RANBP2: variants seen among roughly 807,000 people sequenced by gnomAD.
RANBP2 encodes RAN binding protein 2.
A neutral mutation model predicts 303.6 loss-of-function variants in RANBP2; 57 were observed. The observed-to-expected ratio is 0.19, with a 90% CI of 0.15 to 0.23. The LOEUF is 0.23. RANBP2 is among the 10% of genes least tolerant of loss of function. The pLI, the probability that RANBP2 is intolerant of heterozygous loss-of-function variation, is 1.00. For synonymous variants in RANBP2, 1,167 were observed against 1,301.5 expected (o/e 0.90, Z 2.23); for missense variants, 3,138 against 3,780.8 (o/e 0.83, Z 4.46).
At chr2:109,690,106 C>T in the RANBP2 span, among the ~76,000 whole-genome samples, 1 of 152,158 alleles carries the variant, frequency 6.6e-6, no homozygotes, top group Non-Finnish European at 1.5e-5. Flanking sequence ...GTATCTGAGA[C>T]AGGTCTCAGC....
downstream of RANBP2, chr2:108,786,743 T>C (rs1281822238): frequency 7.5e-7 from 1 of 1,332,346 alleles, no homozygotes; most frequent in Non-Finnish European, 1.1e-6. Flanking sequence ...GTCTGGCACG[T>C]CGTGACGCAC....
the RANBP2 span, among the ~76,000 whole-genome samples, chr2:109,102,728 C>G: frequency 2.0e-5 from 3 of 151,996 alleles, no homozygotes; most frequent in Non-Finnish European, 4.4e-5. Flanking sequence ...AAGGAGAGCC[C>G]CAGCCCATCA....
intron 9 of RANBP2, among the ~76,000 whole-genome samples, chr2:108,749,914 C>G (rs912328418): frequency 6.6e-6 from 1 of 152,146 alleles, no homozygotes; most frequent in African/African-American, 2.4e-5. Flanking sequence ...CTTTGGGAGG[C>G]CGAGGCAGGC....
chr2:109,281,728 T>C, the RANBP2 span, among the ~76,000 whole-genome samples: 1 of 152,122 alleles, frequency 6.6e-6, no homozygotes, highest in African/African-American at 2.4e-5. Flanking sequence ...CTGATTTCCA[T>C]GATGGTGGAG....
At chr2:109,464,562 C>G in the RANBP2 span, among the ~76,000 whole-genome samples, 1 of 152,228 alleles carries the variant, frequency 6.6e-6, no homozygotes, top group African/African-American at 2.4e-5. Context: ...TGATCCACTT[C>G]TGCCAATTCT....
the RANBP2 span, among the ~76,000 whole-genome samples, chr2:109,674,741 AT>A: frequency 6.6e-6 from 1 of 152,210 alleles, no homozygotes; most frequent in Non-Finnish European, 1.5e-5. Flanking sequence ...GAATAAGGAA[AT>A]TGACATTCTT....
At chr2:108,933,771 C>T in the RANBP2 span, among the ~76,000 whole-genome samples, 221 of 146,358 alleles carry the variant, frequency 1.5e-3, 1 homozygote, top group African/African-American at 5.3e-3. Flanking sequence ...GACGGGAGAT[C>T]GGGGTGGCGG....
the RANBP2 span, among the ~76,000 whole-genome samples, chr2:109,028,417 A>G: frequency 0.16 from 24,630 of 152,212 alleles, 2,137 homozygotes; most frequent in African/African-American, 0.2. Flanking sequence ...TTACACCAAG[A>G]AGGTAGGCCC....
the RANBP2 span, among the ~76,000 whole-genome samples, chr2:109,719,153 A>G: frequency 1.4e-5 from 2 of 147,010 alleles, no homozygotes; most frequent in South Asian, 2.2e-4. Context: ...CTGGAGTGCA[A>G]TGGCATGATC....
chr2:109,621,052 C>T, the RANBP2 span, among the ~76,000 whole-genome samples: 1 of 152,194 alleles, frequency 6.6e-6, no homozygotes, highest in Non-Finnish European at 1.5e-5. Flanking sequence ...AAACCATATT[C>T]ATTCTGACCA....
chr2:109,448,380 G>A, the RANBP2 span, among the ~76,000 whole-genome samples: 19 of 152,188 alleles, frequency 1.2e-4, no homozygotes, highest in Non-Finnish European at 2.8e-4. Flanking sequence ...GGTCTGTTAG[G>A]AACTGGGCTG....
chr2:108,746,438 GTCTC>G (rs1696528138), intron 7 of RANBP2, among the ~76,000 whole-genome samples: 1 of 146,526 alleles, frequency 6.8e-6, no homozygotes, highest in Non-Finnish European at 1.5e-5. Context: ...GGCCAGGCTG[GTCTC>G]GAACTCCTGA....
At chr2:109,370,233 CTCTCTCTT>C in the RANBP2 span, among the ~76,000 whole-genome samples, 3 of 114,950 alleles carry the variant, frequency 2.6e-5, no homozygotes, top group South Asian at 9.0e-4. Flanking sequence ...CTCTGTCTCT[CTCTCTCTT>C]TTTCTTTTTT....
At chr2:109,662,865 C>T in the RANBP2 span, among the ~76,000 whole-genome samples, 1 of 152,158 alleles carries the variant, frequency 6.6e-6, no homozygotes, top group Non-Finnish European at 1.5e-5. Flanking sequence ...TGTGCGATTG[C>T]CATGGCTTCC....
At chr2:109,679,191 T>C in the RANBP2 span, among the ~76,000 whole-genome samples, 1 of 152,232 alleles carries the variant, frequency 6.6e-6, no homozygotes, top group South Asian at 2.1e-4. Flanking sequence ...AATGTGGCAC[T>C]AAATAGACCA....
At chr2:109,303,612 C>T in the RANBP2 span, among the ~76,000 whole-genome samples, 8 of 152,242 alleles carry the variant, frequency 5.3e-5, no homozygotes, top group African/African-American at 1.7e-4. Flanking sequence ...CACGGGCTGG[C>T]GAGACAAAGT....
chr2:109,699,864 G>C, the RANBP2 span, among the ~76,000 whole-genome samples: 4 of 152,164 alleles, frequency 2.6e-5, no homozygotes, highest in Non-Finnish European at 5.9e-5. Flanking sequence ...CTGTGCTGCA[G>C]CCCAGACTTC....
the RANBP2 span, among the ~76,000 whole-genome samples, chr2:109,215,168 G>A: frequency 1.3e-5 from 2 of 152,174 alleles, no homozygotes; most frequent in Non-Finnish European, 2.9e-5. Context: ...CTCTCTCTGA[G>A]CATTGCTCAA....
chr2:109,181,843 T>A, the RANBP2 span, among the ~76,000 whole-genome samples: 3 of 152,056 alleles, frequency 2.0e-5, no homozygotes, highest in Non-Finnish European at 4.4e-5. Context: ...GACCTACACC[T>A]TTTTTTTCCA....
Sources: allele counts gnomAD v4.1 joint callset (sites outside exome capture counted in the v4.1 genomes callset), GRCh38; gene constraint gnomAD v4.1.1; transcripts MANE v1.5; gene names NCBI Gene and HGNC (gene_info 2026-07-23, HGNC 2026-07-21).